The following AFF3 variants were observed in gnomAD, a reference collection of about 807,000 sequenced individuals.
AFF3 encodes the protein AF4/FMR2 family member 3.
AFF3 carries 32 observed loss-of-function variants against 129.7 expected under a neutral mutation model. That is an observed-to-expected ratio of 0.25 (90% CI 0.19 to 0.33). The LOEUF (loss-of-function observed/expected upper bound fraction) is 0.33. Among genes scored for constraint, AFF3 ranks in the 10% least tolerant of loss-of-function variants. The pLI is 1.00. For synonymous variants in AFF3, 644 were observed against 635.4 expected (o/e 1.01, Z -0.20); for missense variants, 1,373 against 1,592.0 (o/e 0.86, Z 2.34).
chr2:100,003,273 T>C (rs1681603965), intron 7 of AFF3, among the ~76,000 whole-genome samples: 1 of 152,210 alleles, frequency 6.6e-6, no homozygotes, highest in Non-Finnish European at 1.5e-5. Context: ...GTCCCCAATG[T>C]TTGAATCTGG....
At chr2:99,751,134 C>T (rs1335067246) in intron 9 of AFF3, among the ~76,000 whole-genome samples, 1 of 152,206 alleles carries the variant, frequency 6.6e-6, no homozygotes, top group African/African-American at 2.4e-5. Flanking sequence ...CCATCTGTCA[C>T]CCAGGCTGGA....
At chr2:100,139,769 G>A (rs541775071) in intron 1 of AFF3, among the ~76,000 whole-genome samples, 1 of 152,028 alleles carries the variant, frequency 6.6e-6, no homozygotes, top group South Asian at 2.1e-4. Flanking sequence ...CCAAAAAAAA[G>A]GCAAATGAAA....
At chr2:99,898,906 C>A (rs1164565320) in intron 7 of AFF3, among the ~76,000 whole-genome samples, 1 of 152,224 alleles carries the variant, frequency 6.6e-6, no homozygotes, top group African/African-American at 2.4e-5. Flanking sequence ...GCCTGTCCTG[C>A]CTCCTCCCCA....
chr2:99,974,373 C>T (rs560591337), intron 7 of AFF3, among the ~76,000 whole-genome samples: 2 of 152,302 alleles, frequency 1.3e-5, no homozygotes, highest in East Asian at 1.9e-4. Flanking sequence ...CACCTGTGTG[C>T]TCATCAATAA....
At chr2:99,799,853 G>C (rs186192358) in intron 8 of AFF3, among the ~76,000 whole-genome samples, 2 of 152,050 alleles carry the variant, frequency 1.3e-5, no homozygotes, top group Non-Finnish European at 2.9e-5. Flanking sequence ...AGTGGAGAAA[G>C]GACAGTATTT....
intron 7 of AFF3, among the ~76,000 whole-genome samples, chr2:99,917,366 G>A (rs942929449): frequency 1.3e-5 from 2 of 152,106 alleles, no homozygotes; most frequent in Non-Finnish European, 2.9e-5. Context: ...TCCTACAGTG[G>A]ACTTCCCTGG....
chr2:99,824,580 A>G (rs2105710407), intron 8 of AFF3, among the ~76,000 whole-genome samples: 1 of 152,334 alleles, frequency 6.6e-6, no homozygotes, highest in Middle Eastern at 3.4e-3. Context: ...AATCCAGGGG[A>G]GAGAGAAATA....
chr2:99,955,759 A>C (rs950344669), intron 7 of AFF3, among the ~76,000 whole-genome samples: 1 of 152,220 alleles, frequency 6.6e-6, no homozygotes, highest in East Asian at 1.9e-4. Context: ...CATTTAAGGA[A>C]GCGGGACACT....
At chr2:99,560,140 T>C (rs1434315542) in intron 21 of AFF3, among the ~76,000 whole-genome samples, 1 of 152,264 alleles carries the variant, frequency 6.6e-6, no homozygotes, top group Non-Finnish European at 1.5e-5. Flanking sequence ...CTCATGCCTG[T>C]AATCCCAGCA....
At chr2:99,675,002 A>G (rs1687485800) in intron 11 of AFF3, among the ~76,000 whole-genome samples, 1 of 152,144 alleles carries the variant, frequency 6.6e-6, no homozygotes, top group African/African-American at 2.4e-5. Context: ...TTGCACCACA[A>G]TCTTGTGTGA....
intron 13 of AFF3, among the ~76,000 whole-genome samples, chr2:99,638,436 T>TG (rs1442568577): frequency 1.7e-5 from 2 of 115,906 alleles, no homozygotes; most frequent in Non-Finnish European, 3.4e-5. Flanking sequence ...GCAGCGAGGC[T>TG]GGGGGACTCC....
chr2:99,843,381 C>A (rs1435022120), intron 7 of AFF3, among the ~76,000 whole-genome samples: 1 of 152,184 alleles, frequency 6.6e-6, no homozygotes, highest in African/African-American at 2.4e-5. Context: ...CTCTGAGCCT[C>A]CTCTGATCCT....
chr2:99,724,271 C>CTTTTTTTTTTT (rs58303232), intron 11 of AFF3, among the ~76,000 whole-genome samples: 9,284 of 65,772 alleles, frequency 0.14, 2,445 homozygotes, highest in East Asian at 0.17. Flanking sequence ...AATGACCTTT[C>CTTTTTTTTTTT]TTTTTTTTTT....
intron 4 of AFF3, among the ~76,000 whole-genome samples, chr2:100,044,086 A>G (rs1685644423): frequency 6.6e-6 from 1 of 152,164 alleles, no homozygotes; most frequent in African/African-American, 2.4e-5. Context: ...CGATCTGGCC[A>G]TGGGGCCAGG....
chr2:99,875,377 A>T (rs1271451168), intron 7 of AFF3, among the ~76,000 whole-genome samples: 5 of 151,966 alleles, frequency 3.3e-5, no homozygotes, highest in Non-Finnish European at 7.4e-5. Flanking sequence ...CCTCACTTCC[A>T]CTTCTGTCAC....
intron 8 of AFF3, among the ~76,000 whole-genome samples, chr2:99,827,359 C>T (rs1216986318): frequency 6.6e-6 from 1 of 152,108 alleles, no homozygotes; most frequent in Non-Finnish European, 1.5e-5. Context: ...AGTGGGTGAA[C>T]CCAGGAGGGT....
intron 19 of AFF3, among the ~76,000 whole-genome samples, chr2:99,568,601 A>G (rs1323264341): frequency 6.6e-6 from 1 of 152,186 alleles, no homozygotes; most frequent in African/African-American, 2.4e-5. Context: ...CACTGGCTCT[A>G]GTTACTATTC....
intron 4 of AFF3, among the ~76,000 whole-genome samples, chr2:100,010,338 A>G (rs995771028): frequency 1.2e-4 from 19 of 152,194 alleles, no homozygotes; most frequent in Non-Finnish European, 4.4e-5. Context: ...GGGACACACA[A>G]ATTATTGTAA....
At chr2:99,658,487 G>C (rs1430042788) in intron 12 of AFF3, among the ~76,000 whole-genome samples, 1 of 152,170 alleles carries the variant, frequency 6.6e-6, no homozygotes, top group African/African-American at 2.4e-5. Flanking sequence ...TGGGATTACA[G>C]GTGCCTGTTA....
Sources: allele counts gnomAD v4.1 joint callset (sites outside exome capture counted in the v4.1 genomes callset), GRCh38; gene constraint gnomAD v4.1.1; transcripts MANE v1.5; gene names NCBI Gene and HGNC (gene_info 2026-07-23, HGNC 2026-07-21).